The following ATP10A variants were observed in gnomAD, a reference collection of about 807,000 sequenced individuals.
The protein encoded by ATP10A is ATPase phospholipid transporting 10A (putative).
Under a neutral mutation model 147.8 loss-of-function variants are expected in ATP10A, and 111 were observed. The observed-to-expected ratio is 0.75, with a 90% CI of 0.64 to 0.88. The LOEUF is 0.88. ATP10A is among the 40% of genes least tolerant of loss of function. ATP10A has a pLI of 0.00. For missense variants in ATP10A, 1,927 were observed against 1,959.0 expected (o/e 0.98, Z 0.31); for synonymous variants, 875 against 841.6 (o/e 1.04, Z -0.69).
intron 2 of ATP10A, among the ~76,000 whole-genome samples, chr15:25,777,776 TTC>T (rs1157756483): frequency 1.5e-5 from 1 of 65,734 alleles, no homozygotes; most frequent in Non-Finnish European, 3.3e-5. Context: ...TTTTTTTTCT[TTC>T]TTTCTTTTTT....
At chr15:25,778,265 T>C (rs1449745727) in intron 2 of ATP10A, among the ~76,000 whole-genome samples, 2 of 152,234 alleles carry the variant, frequency 1.3e-5, no homozygotes, top group Admixed American at 6.5e-5. Flanking sequence ...GTACAGATTA[T>C]TACCAGTTCT....
At chr15:25,819,308 C>G (rs1468080802) in intron 1 of ATP10A, among the ~76,000 whole-genome samples, 1 of 152,088 alleles carries the variant, frequency 6.6e-6, no homozygotes, top group Non-Finnish European at 1.5e-5. Context: ...AAATGGCCAA[C>G]AAGCAAGTGA....
Position 25,679,558 on chromosome 15 carries a change from G to A in ATP10A, c.4283C>T (p.Ser1428Phe), listed in dbSNP as rs367942438. 138 of 1,611,916 alleles carry A rather than the reference G, an allele frequency of 8.6e-5. No homozygotes were observed. The highest frequency in any genetic ancestry group is 1.1e-4 in the Non-Finnish European group (130 of 1,178,444). The change falls in exon 21 of 21, where the codon TCC (serine) becomes TTC (phenylalanine). Residue 1428 changes from serine (S) to phenylalanine (F), a missense_variant. Coordinates refer to ENST00000555815, the MANE Select transcript of ATP10A (RefSeq NM_024490.4). The stretch of plus-strand genomic sequence containing the variant: ...GCTGAAGGTAGGCAGGCTGAAGAGG[G>A]AAGACAGGGGGGTCACCCTGCCGGT... ...ASTGRVTPLS[S>F]LFSLPTFSLL...
intron 1 of ATP10A, among the ~76,000 whole-genome samples, chr15:25,808,150 T>C (rs1891278887): frequency 6.6e-6 from 1 of 152,244 alleles, no homozygotes; most frequent in South Asian, 2.1e-4. Flanking sequence ...GCCATGAATC[T>C]TCCCTGTTCC....
At chr15:25,701,282 T>C (rs1046508115) in intron 13 of ATP10A, among the ~76,000 whole-genome samples, 5 of 152,210 alleles carry the variant, frequency 3.3e-5, no homozygotes, top group East Asian at 3.9e-4. Flanking sequence ...AAGGTCCTGA[T>C]AGCTGATGGT....
chr15:25,733,359 A>G (rs1887060543), intron 3 of ATP10A, among the ~76,000 whole-genome samples: 1 of 152,022 alleles, frequency 6.6e-6, no homozygotes, highest in African/African-American at 2.4e-5. Flanking sequence ...CTTGGGACGG[A>G]TAGCGTTACC....
chr15:25,784,380 C>T (rs939960063), intron 1 of ATP10A, among the ~76,000 whole-genome samples: 7 of 152,184 alleles, frequency 4.6e-5, no homozygotes, highest in African/African-American at 1.7e-4. Flanking sequence ...CCATGTATAA[C>T]TCTCATCCAA....
intron 13 of ATP10A, among the ~76,000 whole-genome samples, chr15:25,698,201 T>A (rs1353867170): frequency 6.6e-6 from 1 of 152,212 alleles, no homozygotes; most frequent in Non-Finnish European, 1.5e-5. Flanking sequence ...TAGGCTAATG[T>A]AAGATCAGTA....
At chr15:25,712,529 A>AAGAC (rs10690259) in intron 10 of ATP10A, among the ~76,000 whole-genome samples, 71,722 of 151,804 alleles carry the variant, frequency 0.47, 17,133 homozygotes, top group Admixed American at 0.55. Flanking sequence ...GCTGTGGAAT[A>AAGAC]AGAGAGATTT....
Position 25,679,989 on chromosome 15 carries a change from T to G in ATP10A, c.3867-15A>C, listed in dbSNP as rs745998772. ...TGAAAAACAATCTAGAAAAAGTACATTAAAACAAAAAGTTAGATATTCCTG... is the reference window on the plus strand; with the variant it reads ...TGAAAAACAATCTAGAAAAAGTACAGTAAAACAAAAAGTTAGATATTCCTG... On this transcript the variant is annotated splice_polypyrimidine_tract_variant and intron_variant, in intron 20 of 20. Transcript: ENST00000555815. 1.0e-4 allele frequency: 166 copies of G among 1,588,894 alleles called. 2 individuals are homozygous for G. In the South Asian group the frequency reaches 1.7e-3, roughly 17 times the overall value.
intron 1 of ATP10A, among the ~76,000 whole-genome samples, chr15:25,790,496 G>A (rs1890363176): frequency 6.6e-6 from 1 of 152,154 alleles, no homozygotes; most frequent in Admixed American, 6.5e-5. Flanking sequence ...CCAGAGGGCA[G>A]GGCCTCTGGC....
intron 1 of ATP10A, among the ~76,000 whole-genome samples, chr15:25,855,061 CAAA>C (rs58243465): frequency 3.0e-5 from 2 of 66,012 alleles, no homozygotes; most frequent in Non-Finnish European, 7.5e-5. Context: ...CTCCGTCTCA[CAAA>C]AAAAAAAAAA....
At chr15:25,847,299 C>G (rs1248130350) in intron 1 of ATP10A, among the ~76,000 whole-genome samples, 1 of 152,172 alleles carries the variant, frequency 6.6e-6, no homozygotes, top group African/African-American at 2.4e-5. Flanking sequence ...TGTTCTGCTC[C>G]CAGGCTCTGC....
intron 10 of ATP10A, chr15:25,710,120 G>C (rs1054500402): frequency 6.6e-6 from 1 of 152,234 alleles, no homozygotes; most frequent in Non-Finnish European, 1.5e-5. Flanking sequence ...CTGCATTTTA[G>C]GCAACGGTCA....
intron 13 of ATP10A, among the ~76,000 whole-genome samples, chr15:25,697,076 C>G (rs976158372): frequency 1.1e-4 from 16 of 152,156 alleles, no homozygotes; most frequent in African/African-American, 3.4e-4. Context: ...GAACCAGAGG[C>G]GCTGGAAAAA....
At chr15:25,706,800 C>G (rs1004471894) in intron 12 of ATP10A, among the ~76,000 whole-genome samples, 4 of 152,172 alleles carry the variant, frequency 2.6e-5, no homozygotes, top group Non-Finnish European at 4.4e-5. Context: ...GGAAGGTGCC[C>G]CACAGTGAAG....
At chr15:25,677,439 T>C (rs536315372), downstream of ATP10A, 1 of 152,066 alleles carries the variant, frequency 6.6e-6, no homozygotes, top group Non-Finnish European at 1.5e-5. Context: ...GCATCTACTC[T>C]CCAGAGGAGA....
intron 3 of ATP10A, among the ~76,000 whole-genome samples, chr15:25,734,114 C>T (rs1887124993): frequency 6.6e-6 from 1 of 152,332 alleles, no homozygotes. Context: ...CCTCACCACA[C>T]TGCTAGAGAC....
intron 4 of ATP10A, among the ~76,000 whole-genome samples, chr15:25,726,692 C>T (rs2140445081): frequency 6.6e-6 from 1 of 151,868 alleles, no homozygotes; most frequent in Admixed American, 6.5e-5. Flanking sequence ...ATCTGCCCGT[C>T]TCAGCCTCCC....
Sources: gnomAD v4.1 joint callset for allele counts (sites outside exome capture counted in the v4.1 genomes callset) on GRCh38, gnomAD v4.1.1 for gene constraint, MANE v1.5 for transcripts, NCBI Gene and HGNC (gene_info 2026-07-23, HGNC 2026-07-21) for gene names.